CIMAP1D: variants seen among roughly 807,000 people sequenced by gnomAD.
The protein encoded by CIMAP1D is protein CIMAP1D.
At chr19:488,242 G>C in the CIMAP1D span, among the ~76,000 whole-genome samples, 1 of 151,876 alleles carries the variant, frequency 6.6e-6, no homozygotes, top group Non-Finnish European at 1.5e-5. Flanking sequence ...AAAAAAAAAG[G>C]CCGGGCTTGG....
chr19:487,438 C>A, the CIMAP1D span, among the ~76,000 whole-genome samples: 2 of 152,174 alleles, frequency 1.3e-5, no homozygotes, highest in Non-Finnish European at 2.9e-5. Context: ...TCCTTCGGGC[C>A]GAGGTCAGCC....
At chr19:491,248 G>T in the CIMAP1D span, among the ~76,000 whole-genome samples, 1 of 152,170 alleles carries the variant, frequency 6.6e-6, no homozygotes, top group Admixed American at 6.5e-5. Flanking sequence ...CTGCACTCCA[G>T]CCTGGGCGAC....
At chr19:480,364 C>T in the CIMAP1D span, among the ~76,000 whole-genome samples, 18 of 152,210 alleles carry the variant, frequency 1.2e-4, no homozygotes, top group Non-Finnish European at 2.4e-4. Flanking sequence ...CCTCTGGTGA[C>T]ATCTGGGAGA....
At chr19:482,086 T>C in the CIMAP1D span, among the ~76,000 whole-genome samples, 164 of 152,274 alleles carry the variant, frequency 1.1e-3, no homozygotes, top group Non-Finnish European at 8.2e-4. Context: ...ATTTTTAAAT[T>C]TTCTAGTAGT....
At chr19:477,371 C>T in the CIMAP1D span, among the ~76,000 whole-genome samples, 1 of 152,108 alleles carries the variant, frequency 6.6e-6, no homozygotes, top group Non-Finnish European at 1.5e-5. Flanking sequence ...ATCAGGAGTT[C>T]GAGACCAGCC....
chr19:489,986 C>A, the CIMAP1D span: 1 of 398,466 alleles, frequency 2.5e-6, no homozygotes, highest in Non-Finnish European at 4.4e-6. Flanking sequence ...AGAAGCGGAG[C>A]GGGAGCCCCA....
At chr19:467,729 T>C in the CIMAP1D span, 4 of 1,609,702 alleles carry the variant, frequency 2.5e-6, no homozygotes, top group Non-Finnish European at 3.4e-6. Context: ...GTCCAAGAAG[T>C]AGATGGGGCC....
the CIMAP1D span, among the ~76,000 whole-genome samples, chr19:482,046 G>A: frequency 6.6e-6 from 1 of 151,932 alleles, no homozygotes; most frequent in African/African-American, 2.4e-5. Context: ...AAAGCACTGG[G>A]TTTACAGGCA....
chr19:472,274 G>T, the CIMAP1D span: 1 of 522,292 alleles, frequency 1.9e-6, no homozygotes, highest in Non-Finnish European at 3.3e-6. Context: ...GCCCAGCCCT[G>T]CCTGCTTCCT....
the CIMAP1D span, among the ~76,000 whole-genome samples, chr19:481,196 T>A: frequency 7.6e-4 from 92 of 121,190 alleles, no homozygotes; most frequent in Admixed American, 1.0e-3. Flanking sequence ...GGAAGGATGA[T>A]GGGGAAGGAT....
At chr19:486,446 C>T in the CIMAP1D span, among the ~76,000 whole-genome samples, 10,634 of 151,946 alleles carry the variant, frequency 0.07, 705 homozygotes, top group East Asian at 0.2. Flanking sequence ...TTTTTTGTTT[C>T]TGTTGTTTTT....
the CIMAP1D span, chr19:474,883 G>T: frequency 1.4e-6 from 1 of 699,142 alleles, no homozygotes; most frequent in Non-Finnish European, 2.1e-6. Context: ...GACCACAGCC[G>T]CACAGACGGC....
the CIMAP1D span, among the ~76,000 whole-genome samples, chr19:479,553 C>T: frequency 6.6e-6 from 1 of 150,410 alleles, no homozygotes; most frequent in African/African-American, 2.5e-5. Context: ...TACAGGCGTG[C>T]GCAACCACGC....
the CIMAP1D span, among the ~76,000 whole-genome samples, chr19:479,303 T>C: frequency 1.2e-4 from 18 of 151,826 alleles, no homozygotes; most frequent in African/African-American, 3.9e-4. Context: ...TCCTCCTCTC[T>C]GCTCTTGTTA....
At chr19:486,518 G>A in the CIMAP1D span, among the ~76,000 whole-genome samples, 1 of 151,980 alleles carries the variant, frequency 6.6e-6, no homozygotes, top group Non-Finnish European at 1.5e-5. Flanking sequence ...TCGGCTCACT[G>A]CAACCTCCGC....
chr19:483,239 C>G, the CIMAP1D span, among the ~76,000 whole-genome samples: 1 of 150,964 alleles, frequency 6.6e-6, no homozygotes, highest in African/African-American at 2.5e-5. Context: ...ACGGCCCAGT[C>G]CAGGGCCCCA....
At chr19:487,033 T>C in the CIMAP1D span, among the ~76,000 whole-genome samples, 1 of 152,136 alleles carries the variant, frequency 6.6e-6, no homozygotes, top group Non-Finnish European at 1.5e-5. Context: ...ATTACAGGTG[T>C]GAACCGCCAT....
chr19:464,126 CT>C, the CIMAP1D span: 2 of 1,283,174 alleles, frequency 1.6e-6, no homozygotes, highest in South Asian at 2.0e-5. Context: ...CAGCAGGATC[CT>C]GCGGGGGGCG....
chr19:477,751 C>G, the CIMAP1D span, among the ~76,000 whole-genome samples: 1 of 152,218 alleles, frequency 6.6e-6, no homozygotes, highest in Non-Finnish European at 1.5e-5. Context: ...CGAGCTCCGC[C>G]TCCCGGGTTC....
Sources: allele counts gnomAD v4.1 joint callset (sites outside exome capture counted in the v4.1 genomes callset), GRCh38; gene constraint gnomAD v4.1.1; transcripts MANE v1.5; gene names NCBI Gene and HGNC (gene_info 2026-07-23, HGNC 2026-07-21).